Variants in MEI4 observed in about 807,000 individuals in gnomAD.
MEI4 encodes the protein meiosis-specific protein MEI4.
A neutral mutation model predicts 31.4 loss-of-function variants in MEI4; 27 were observed. The observed-to-expected ratio is 0.86, with a 90% CI of 0.63 to 1.19. The LOEUF is 1.19. Ranked by LOEUF, MEI4 falls within the 50% of genes most tolerant of loss-of-function variation. The pLI, the probability that MEI4 is intolerant of heterozygous loss-of-function variation, is 0.00. For synonymous variants in MEI4, 122 were observed against 145.4 expected, an observed-to-expected ratio of 0.84 and a Z score of 1.16; for missense variants, 329 against 398.9, an observed-to-expected ratio of 0.82 and a Z score of 1.49.
chr6:77,858,169 G>T (rs974530657), intron 4 of MEI4, among the ~76,000 whole-genome samples: 2 of 152,074 alleles, frequency 1.3e-5, no homozygotes, highest in Non-Finnish European at 2.9e-5. Flanking sequence ...TATTATATTG[G>T]CTGTAAAGAA....
chr6:77,831,024 A>G (rs1011011032), intron 4 of MEI4, among the ~76,000 whole-genome samples: 2 of 152,068 alleles, frequency 1.3e-5, no homozygotes, highest in African/African-American at 2.4e-5. Flanking sequence ...ATTAATTACC[A>G]GAATATATAA....
At chr6:77,846,610 T>C (rs1416666954) in intron 4 of MEI4, among the ~76,000 whole-genome samples, 1 of 152,202 alleles carries the variant, frequency 6.6e-6, no homozygotes, top group African/African-American at 2.4e-5. Context: ...ATAAAATTTA[T>C]CTAAAGAAGT....
At chr6:77,767,927 A>G (rs1768215343) in intron 3 of MEI4, among the ~76,000 whole-genome samples, 1 of 152,236 alleles carries the variant, frequency 6.6e-6, no homozygotes, top group Admixed American at 6.5e-5. Context: ...AACTTTCTTC[A>G]ATTTACTTTC....
At chr6:77,746,145 A>T (rs1767595434) in intron 2 of MEI4, among the ~76,000 whole-genome samples, 1 of 152,168 alleles carries the variant, frequency 6.6e-6, no homozygotes, top group Non-Finnish European at 1.5e-5. Context: ...GGAAATAGAG[A>T]CACAAAAAAC....
intron 4 of MEI4, among the ~76,000 whole-genome samples, chr6:77,886,462 ACT>A (rs1771621740): frequency 6.7e-6 from 1 of 150,372 alleles, no homozygotes; most frequent in Admixed American, 6.6e-5. Flanking sequence ...ATGGAGTCTC[ACT>A]CTGTTGCCCA....
chr6:77,873,539 T>C (rs977356230), intron 4 of MEI4, among the ~76,000 whole-genome samples: 3 of 152,222 alleles, frequency 2.0e-5, no homozygotes, highest in African/African-American at 7.2e-5. Context: ...GAAAATTTTC[T>C]CCCATTCTGT....
intron 2 of MEI4, among the ~76,000 whole-genome samples, chr6:77,760,210 A>C (rs1768009643): frequency 6.6e-6 from 1 of 152,122 alleles, no homozygotes; most frequent in Non-Finnish European, 1.5e-5. Context: ...AGGTACATAC[A>C]CATGTATATA....
chr6:77,726,731 G>T (rs1766832371), intron 2 of MEI4, among the ~76,000 whole-genome samples: 1 of 152,192 alleles, frequency 6.6e-6, no homozygotes, highest in Non-Finnish European at 1.5e-5. Flanking sequence ...GCTAGGAGAA[G>T]ATAGGTGTAT....
chr6:77,697,395 T>C (rs1052998578), intron 2 of MEI4, among the ~76,000 whole-genome samples: 1 of 152,182 alleles, frequency 6.6e-6, no homozygotes, highest in African/African-American at 2.4e-5. Context: ...CTTTCTCTTG[T>C]GGGCATTTAG....
At chr6:77,728,264 C>T (rs35398935) in intron 2 of MEI4, among the ~76,000 whole-genome samples, 41,810 of 152,064 alleles carry the variant, frequency 0.27, 6,641 homozygotes, top group South Asian at 0.39. Flanking sequence ...ATTACACTAG[C>T]TTAGTTCTAA....
At chr6:77,723,270 T>G (rs1455231814) in intron 2 of MEI4, among the ~76,000 whole-genome samples, 1 of 140,806 alleles carries the variant, frequency 7.1e-6, no homozygotes, top group Non-Finnish European at 1.6e-5. Context: ...AATCTACTGC[T>G]GCACTGCCAC....
At chr6:77,789,645 C>T (rs140453285) in intron 3 of MEI4, among the ~76,000 whole-genome samples, 54 of 152,218 alleles carry the variant, frequency 3.5e-4, no homozygotes, top group Non-Finnish European at 2.5e-4. Context: ...CCAAAAGGCA[C>T]ATGAAAAAAT....
chr6:77,754,313 C>T (rs1767859163), intron 2 of MEI4, among the ~76,000 whole-genome samples: 1 of 152,140 alleles, frequency 6.6e-6, no homozygotes. Context: ...CCAAAGATCT[C>T]TACGGCAGAG....
intron 2 of MEI4, among the ~76,000 whole-genome samples, chr6:77,735,698 A>G (rs1002458405): frequency 1.3e-5 from 2 of 151,978 alleles, no homozygotes; most frequent in Non-Finnish European, 2.9e-5. Flanking sequence ...CCTTTGGAGG[A>G]GGAGAGGTGC....
chr6:77,859,450 C>G (rs1770818401), intron 4 of MEI4, among the ~76,000 whole-genome samples: 1 of 152,170 alleles, frequency 6.6e-6, no homozygotes, highest in African/African-American at 2.4e-5. Flanking sequence ...ATACTGTCTA[C>G]TATGATGGTT....
At chr6:77,744,481 A>G (rs879684698) in intron 2 of MEI4, among the ~76,000 whole-genome samples, 35 of 152,302 alleles carry the variant, frequency 2.3e-4, no homozygotes, top group Admixed American at 9.1e-4. Context: ...AAAAGACCAA[A>G]TCTACGTCTG....
intron 3 of MEI4, among the ~76,000 whole-genome samples, chr6:77,770,238 T>C (rs1355814892): frequency 1.3e-5 from 2 of 151,876 alleles, no homozygotes; most frequent in Non-Finnish European, 2.9e-5. Context: ...TTATATAAAT[T>C]CCTAACATAT....
intron 3 of MEI4, among the ~76,000 whole-genome samples, chr6:77,824,278 T>G (rs1272217099): frequency 6.6e-6 from 1 of 152,202 alleles, no homozygotes; most frequent in African/African-American, 2.4e-5. Context: ...TTAGTAGAGA[T>G]GTATTTTGTG....
intron 4 of MEI4, among the ~76,000 whole-genome samples, chr6:77,848,111 T>C (rs1258382064): frequency 6.6e-6 from 1 of 152,182 alleles, no homozygotes; most frequent in Non-Finnish European, 1.5e-5. Flanking sequence ...ACTTTAAAAG[T>C]ACTTATTGAA....
Sources: gnomAD v4.1 joint callset for allele counts (sites outside exome capture counted in the v4.1 genomes callset) on GRCh38, gnomAD v4.1.1 for gene constraint, MANE v1.5 for transcripts, NCBI Gene and HGNC (gene_info 2026-07-23, HGNC 2026-07-21) for gene names.